Variants in CTNNA3 observed in about 807,000 individuals in gnomAD.
CTNNA3 encodes catenin alpha 3.
Under a neutral mutation model 95.7 loss-of-function variants are expected in CTNNA3, and 76 were observed. The ratio of observed to expected loss-of-function variants is 0.79; its 90% CI spans 0.66 to 0.96. The LOEUF is 0.96. CTNNA3 is among the 40% of genes least tolerant of loss of function. The pLI is 0.00. For missense variants in CTNNA3, 1,191 were observed against 1,089.8 expected (o/e 1.09, Z -1.31); for synonymous variants, 431 against 374.4 (o/e 1.15, Z -1.74).
chr10:67,577,751 C>T (rs1403206935), intron 3 of CTNNA3, among the ~76,000 whole-genome samples: 12 of 150,876 alleles, frequency 8.0e-5, no homozygotes, highest in Admixed American at 6.6e-4. Context: ...TTTATCCATT[C>T]ATCTATTGAT....
intron 5 of CTNNA3, among the ~76,000 whole-genome samples, chr10:67,487,744 G>T (rs918992857): frequency 1.3e-5 from 2 of 152,166 alleles, no homozygotes; most frequent in African/African-American, 4.8e-5. Flanking sequence ...CATTCCTGCA[G>T]GAAGAGCAGA....
At chr10:66,507,652 A>G (rs540178388) in intron 11 of CTNNA3, among the ~76,000 whole-genome samples, 2 of 152,240 alleles carry the variant, frequency 1.3e-5, no homozygotes, top group African/African-American at 4.8e-5. Flanking sequence ...CTCCAGGCTC[A>G]TCCATGTTAC....
At chr10:66,436,736 C>T (rs545917729) in intron 11 of CTNNA3, among the ~76,000 whole-genome samples, 1 of 152,038 alleles carries the variant, frequency 6.6e-6, no homozygotes, top group East Asian at 1.9e-4. Flanking sequence ...CATCATGATG[C>T]TAGCTGGTTA....
At chr10:65,928,301 T>A (rs3017066) in intron 17 of CTNNA3, among the ~76,000 whole-genome samples, 110,346 of 151,978 alleles carry the variant, frequency 0.73, 40,275 homozygotes, top group Middle Eastern at 0.77. Flanking sequence ...AATTGATCAT[T>A]TATGTTTGGC....
At chr10:67,180,631 A>G (rs1239710617) in intron 6 of CTNNA3, 111 bp from the exon 7 acceptor site, 1 of 789,634 alleles carries the variant, frequency 1.3e-6, no homozygotes, top group Admixed American at 2.2e-5. Context: ...AATAAAGAGA[A>G]CTGTGTTTTA....
chr10:66,830,034 G>A (rs1487716689), intron 7 of CTNNA3, among the ~76,000 whole-genome samples: 1 of 152,000 alleles, frequency 6.6e-6, no homozygotes, highest in East Asian at 1.9e-4. Context: ...GGATTTTTAT[G>A]TGACCAAATG....
At chr10:66,623,092 A>T (rs1010457217) in intron 9 of CTNNA3, among the ~76,000 whole-genome samples, 12 of 152,008 alleles carry the variant, frequency 7.9e-5, no homozygotes, top group Non-Finnish European at 1.0e-4. Context: ...CACATTTGTG[A>T]GTTGTTTGAA....
chr10:66,346,211 G>GTA lies in CTNNA3; in HGVS notation c.1732+32939_1732+32940dup, dbSNP rs368554085. Among the ~76,000 whole-genome samples the GTA allele has an allele frequency of 1.6e-3, 170 of 105,472 alleles. 1 individual carries two copies. Among genetic ancestry groups the GTA allele is most frequent in the African/African-American group, 5.3e-3 (146 of 27,548 alleles). The allele number at this position is 105,472 out of a possible 152,430, so 69.2% of individuals were successfully genotyped here. A position where few individuals can be genotyped will look rare whatever the true frequency, so the allele number is the denominator to read the frequency against. On this transcript the variant is annotated intron_variant, in intron 12 of 17. Coordinates refer to ENST00000433211, the MANE Select transcript of CTNNA3 (RefSeq NM_013266.4). The stretch of plus-strand genomic sequence containing the variant: ...AATTGAATAGTAAGTATGTGTGTGT[G>GTA]TATATATATATATATATATATATAT...
chr10:66,175,767 C>CCATA (rs1311803898), intron 13 of CTNNA3, among the ~76,000 whole-genome samples: 3 of 152,094 alleles, frequency 2.0e-5, no homozygotes, highest in African/African-American at 7.2e-5. Flanking sequence ...GATTCATTAA[C>CCATA]CATATTTATT....
intron 7 of CTNNA3, among the ~76,000 whole-genome samples, chr10:66,981,418 T>C (rs775777686): frequency 1.4e-4 from 22 of 152,218 alleles, no homozygotes; most frequent in Non-Finnish European, 2.5e-4. Context: ...TTGAGTCCCT[T>C]TGAATTGCCA....
intron 13 of CTNNA3, among the ~76,000 whole-genome samples, chr10:66,227,973 T>G (rs1585600): frequency 2.6e-5 from 4 of 151,986 alleles, no homozygotes; most frequent in African/African-American, 9.7e-5. Context: ...TTGTTCACAA[T>G]ATTCTCTTGT....
intron 3 of CTNNA3, among the ~76,000 whole-genome samples, chr10:67,597,030 C>G (rs1170024755): frequency 6.6e-6 from 1 of 152,152 alleles, no homozygotes; most frequent in East Asian, 1.9e-4. Context: ...TCTGAGATTC[C>G]TTCCTCAGCT....
chr10:67,605,874 T>C (rs781648421), intron 3 of CTNNA3, among the ~76,000 whole-genome samples: 1 of 152,200 alleles, frequency 6.6e-6, no homozygotes, highest in Non-Finnish European at 1.5e-5. Flanking sequence ...TTTCACCATG[T>C]TGGCCAGGCT....
chr10:65,968,996 C>T (rs1336409293), intron 16 of CTNNA3, among the ~76,000 whole-genome samples: 4 of 152,170 alleles, frequency 2.6e-5, no homozygotes, highest in Admixed American at 6.5e-5. Flanking sequence ...TTTTGCACTA[C>T]AAGAATAAGC....
intron 11 of CTNNA3, among the ~76,000 whole-genome samples, chr10:66,419,587 T>A (rs2093174975): frequency 6.6e-6 from 1 of 151,962 alleles, no homozygotes; most frequent in African/African-American, 2.4e-5. Flanking sequence ...TCCAAAGCAA[T>A]CCTGAGCAAA....
At chr10:65,953,263 G>A (rs1236127676) in intron 17 of CTNNA3, among the ~76,000 whole-genome samples, 1 of 152,082 alleles carries the variant, frequency 6.6e-6, no homozygotes, top group Non-Finnish European at 1.5e-5. Flanking sequence ...TCTTCTTAGA[G>A]TTATATTTTT....
chr10:66,014,901 G>A (rs1280611594), intron 15 of CTNNA3, among the ~76,000 whole-genome samples: 1 of 151,932 alleles, frequency 6.6e-6, no homozygotes, highest in Admixed American at 6.6e-5. Flanking sequence ...TCAAGAGAGC[G>A]AGACCATCCT....
At position 66,078,021 on chromosome 10, in the gene CTNNA3, T is replaced by C. The variant is rs181266446; in HGVS notation, c.1978-8532A>G. The stretch of plus-strand genomic sequence containing the variant: ...CCCAGGACTTCAGTGACCTCATCAC[T>C]GAGGAGATTCTACTTGAGCTGTTAA... On this transcript the variant is annotated intron_variant, in intron 14 of 17. Transcript: ENST00000433211. Among the ~76,000 whole-genome samples the C allele has an allele frequency of 2.4e-3, 365 of 151,994 alleles. 1 individual carries two copies. Among genetic ancestry groups the C allele is most frequent in the Non-Finnish European group, 4.1e-3 (277 of 67,810 alleles).
intron 6 of CTNNA3, among the ~76,000 whole-genome samples, chr10:67,192,973 G>A (rs749048460): frequency 6.6e-5 from 10 of 151,920 alleles, no homozygotes; most frequent in Non-Finnish European, 1.3e-4. Flanking sequence ...TGAACCTGGA[G>A]GGCATTTTGC....
Sources: gnomAD v4.1 joint callset for allele counts (sites outside exome capture counted in the v4.1 genomes callset) on GRCh38, gnomAD v4.1.1 for gene constraint, MANE v1.5 for transcripts, NCBI Gene and HGNC (gene_info 2026-07-23, HGNC 2026-07-21) for gene names.